Variants in PRPF6 observed in about 807,000 individuals in gnomAD.
PRPF6 encodes the protein pre-mRNA-processing factor 6.
A neutral mutation model predicts 118.3 loss-of-function variants in PRPF6; 42 were observed. That is an observed-to-expected ratio of 0.35 (90% CI 0.28 to 0.46). PRPF6 has a LOEUF of 0.46. Among genes scored for constraint, PRPF6 ranks in the 20% least tolerant of loss-of-function variants. The pLI is 1.00. For synonymous variants in PRPF6, 481 were observed against 485.1 expected, an observed-to-expected ratio of 0.99 and a Z score of 0.11; for missense variants, 662 against 1,255.7, an observed-to-expected ratio of 0.53 and a Z score of 7.15.
At chr20:64,021,971 A>G (rs1183902758) in intron 12 of PRPF6, among the ~76,000 whole-genome samples, 2 of 131,106 alleles carry the variant, frequency 1.5e-5, no homozygotes, top group African/African-American at 3.2e-5. Context: ...ACGTATGCAT[A>G]TGCCTCGGCC....
chr20:64,011,647 G>C lies in PRPF6; in HGVS notation c.1524+144G>C. The C allele has an allele frequency of 2.1e-6, 2 of 934,902 alleles. No individual in the cohort carries two copies. The highest frequency in any genetic ancestry group is 3.3e-6 in the Non-Finnish European group (2 of 603,764). The allele number at this position is 934,902 out of a possible 1,614,324, so 57.9% of individuals were successfully genotyped here. A position where few individuals can be genotyped will look rare whatever the true frequency, so the allele number is the denominator to read the frequency against. ...GCAGGCACAGGTGTGAATGGGCCCT[G>C]AGGGACCTGGGCATGCCCACTGTCG... is the stretch of plus-strand genomic sequence containing the variant. On this transcript the variant is annotated intron_variant, in intron 11 of 20. Transcript: ENST00000266079. This position sits in a 1 kb window ranked among gnomAD's most constrained non-coding sequence, Gnocchi z 6.7.
chr20:63,999,955 C>CTA (rs2059159141), intron 8 of PRPF6, among the ~76,000 whole-genome samples, 196 bp downstream of exon 8: 6 of 145,878 alleles, frequency 4.1e-5, no homozygotes, highest in Non-Finnish European at 3.0e-5. Context: ...TAATCCACCA[C>CTA]TTTTTTTTTT....
intron 5 of PRPF6, 63 bp from the exon 6 acceptor site, chr20:63,995,264 A>C: frequency 6.3e-7 from 1 of 1,575,958 alleles, no homozygotes; most frequent in Non-Finnish European, 8.6e-7. Flanking sequence ...TCAGAGAGTA[A>C]ATTTCTTGGG....
At chr20:64,013,199 A>G (rs879914884) in intron 11 of PRPF6, among the ~76,000 whole-genome samples, 6 of 152,106 alleles carry the variant, frequency 3.9e-5, no homozygotes, top group Non-Finnish European at 8.8e-5. Context: ...TCCTGACCTC[A>G]AGCAACCTGC....
chr20:63,988,676 G>A (rs112219537), intron 3 of PRPF6, among the ~76,000 whole-genome samples: 15,915 of 151,938 alleles, frequency 0.1, 1,009 homozygotes, highest in Middle Eastern at 0.17. Flanking sequence ...TCAGCAGTTC[G>A]AGACCAGCCT....
intron 3 of PRPF6, among the ~76,000 whole-genome samples, chr20:63,992,347 C>T (rs995291051): frequency 6.6e-6 from 1 of 151,900 alleles, no homozygotes; most frequent in Middle Eastern, 3.4e-3. Flanking sequence ...CTGCAACTTC[C>T]ACCTCCCAGG....
At chr20:64,008,453 G>A (rs896105630) in intron 9 of PRPF6, among the ~76,000 whole-genome samples, 3 of 151,534 alleles carry the variant, frequency 2.0e-5, no homozygotes, top group South Asian at 2.1e-4. Context: ...GGAAATATTC[G>A]TGGCAATGCA....
intron 19 of PRPF6, among the ~76,000 whole-genome samples, chr20:64,031,368 C>T (rs570855028): frequency 3.9e-5 from 6 of 152,308 alleles, no homozygotes; most frequent in African/African-American, 7.2e-5. Flanking sequence ...TCTTTCCCTG[C>T]GTGTGAATTT....
At chr20:64,016,611 A>G in intron 11 of PRPF6, 112 bp from the exon 12 acceptor site, 2 of 1,409,232 alleles carry the variant, frequency 1.4e-6, no homozygotes, top group Non-Finnish European at 9.8e-7. Context: ...CAGTGTCAGC[A>G]TCTTGTGCTG....
chr20:64,004,571 C>T (rs1007430853), intron 9 of PRPF6, among the ~76,000 whole-genome samples: 1 of 152,172 alleles, frequency 6.6e-6, no homozygotes, highest in African/African-American at 2.4e-5. Context: ...TTGGGCTGAG[C>T]TGACACCTTA....
chr20:64,021,988 CTGTGTGTG>C lies in PRPF6; in HGVS notation c.1648-748_1648-741del, dbSNP rs111363019. Among the ~76,000 whole-genome samples, 44 of 135,816 alleles carry C rather than the reference CTGTGTGTG, an allele frequency of 3.2e-4. 1 individual carries two copies. The highest frequency in any genetic ancestry group is 1.1e-3 in the African/African-American group (37 of 34,822). The allele number at this position is 135,816 out of a possible 152,430, so 89.1% of individuals were successfully genotyped here. A position where few individuals can be genotyped will look rare whatever the true frequency, so the allele number is the denominator to read the frequency against. ...GTATGCATATGCCTCGGCCACAGCCCTGTGTGTGTGTGTGTGTGTGTGTGTGTGCATGC... is the reference window on the plus strand; with the variant it reads ...GTATGCATATGCCTCGGCCACAGCCCTGTGTGTGTGTGTGTGTGTGCATGC... On this transcript the variant is annotated intron_variant, in intron 12 of 20. Coordinates refer to ENST00000266079, the MANE Select transcript of PRPF6 (RefSeq NM_012469.4).
In PRPF6 at chr20:64,006,700, G is replaced by A. The variant is rs189538114; in HGVS notation, c.1187-3500G>A. On this transcript the variant is annotated intron_variant, in intron 9 of 20. Transcript: ENST00000266079. ...CAGTGGAGACGGGACTTGTGGCAGCGGAGATGGGACTTGAGCCATTCAGAC... is the reference window on the plus strand; with the variant it reads ...CAGTGGAGACGGGACTTGTGGCAGCAGAGATGGGACTTGAGCCATTCAGAC... Among the ~76,000 whole-genome samples the A allele has an allele frequency of 4.8e-3, 724 of 152,276 alleles. 5 individuals carry two copies. Among genetic ancestry groups the A allele is most frequent in the African/African-American group, 0.017 (696 of 41,540 alleles).
Position 64,026,847 on chromosome 20 carries a change from G to A in PRPF6, c.2029-135G>A. ...AAACATATATTTATCCCCACCTTTT[G>A]TGTACACAAACAGGCTATGAAAAGC... On this transcript the variant is annotated intron_variant, in intron 15 of 20. Coordinates refer to ENST00000266079, the MANE Select transcript of PRPF6 (RefSeq NM_012469.4). The surrounding 1 kb of genome is among the most constrained non-coding windows in gnomAD (Gnocchi z 4.4). 1 of 898,192 alleles carries A rather than the reference G, an allele frequency of 1.1e-6. No individual in the cohort carries two copies. The allele number at this position is 898,192 out of a possible 1,614,324, so 55.6% of individuals were successfully genotyped here. A position where few individuals can be genotyped will look rare whatever the true frequency, so the allele number is the denominator to read the frequency against.
At chr20:64,004,333 C>T (rs965725996) in intron 9 of PRPF6, among the ~76,000 whole-genome samples, 2 of 152,234 alleles carry the variant, frequency 1.3e-5, no homozygotes, top group African/African-American at 4.8e-5. Context: ...TGCCGCTGCC[C>T]TAATACTGGT....
chr20:63,995,614 C>A, intron 6 of PRPF6, 132 bp downstream of exon 6: 1 of 1,081,012 alleles, frequency 9.3e-7, no homozygotes, highest in Non-Finnish European at 1.3e-6. Flanking sequence ...TTCTCCTTCT[C>A]CTTTTTTTTT....
intron 19 of PRPF6, among the ~76,000 whole-genome samples, chr20:64,030,478 GGTGCCGCCCCCAC>G (rs1285555608): frequency 6.6e-6 from 1 of 152,088 alleles, no homozygotes; most frequent in Non-Finnish European, 1.5e-5. Flanking sequence ...CAGAGGTCTG[GGTGCCGCCCCCAC>G]AGGCTTGCCT....
rs200759872 is a variant in PRPF6 at position 64,029,506 on chromosome 20, C to T, written c.2546+15C>T. ...GCCGTGGCCAAGTGAGTGGGGCCCC[C>T]ACAGGATTGCTGAACCTCGGGGTCC... On this transcript the variant is annotated intron_variant, in intron 19 of 20. Coordinates refer to ENST00000266079, the MANE Select transcript of PRPF6 (RefSeq NM_012469.4). This position sits in a 1 kb window ranked among gnomAD's most constrained non-coding sequence, Gnocchi z 4.8. The T allele has an allele frequency of 1.3e-3, 2,117 of 1,608,482 alleles. 23 individuals carry two copies. Among genetic ancestry groups the T allele is most frequent in the South Asian group, 0.012 (1,086 of 90,986 alleles).
At position 64,021,988 on chromosome 20, in the gene PRPF6, C is replaced by CTGTGTGTGTGTGTGTG. The variant is rs111363019; in HGVS notation, c.1648-756_1648-741dup. On this transcript the variant is annotated intron_variant, in intron 12 of 20. Coordinates refer to ENST00000266079, the MANE Select transcript of PRPF6 (RefSeq NM_012469.4). ...GTATGCATATGCCTCGGCCACAGCC[C>CTGTGTGTGTGTGTGTG]TGTGTGTGTGTGTGTGTGTGTGTGT... Among the ~76,000 whole-genome samples the CTGTGTGTGTGTGTGTG allele has an allele frequency of 5.7e-4, 77 of 135,838 alleles. 1 individual carries two copies. The South Asian group carries it at 8.9e-3, about 16-fold the overall frequency. The allele number at this position is 135,838 out of a possible 152,430, so 89.1% of individuals were successfully genotyped here. A position where few individuals can be genotyped will look rare whatever the true frequency, so the allele number is the denominator to read the frequency against.
At chr20:63,981,350 C>T (rs1206340241) in intron 1 of PRPF6, 34 bp downstream of exon 1, 2 of 1,551,458 alleles carry the variant, frequency 1.3e-6, no homozygotes, top group East Asian at 2.4e-5. Flanking sequence ...GGGGCGGGGA[C>T]CCGGCTACAG....
Sources: allele counts gnomAD v4.1 joint callset (sites outside exome capture counted in the v4.1 genomes callset), GRCh38; gene constraint gnomAD v4.1.1; non-coding constraint Gnocchi (gnomAD v3.1); transcripts MANE v1.5; gene names NCBI Gene and HGNC (gene_info 2026-07-23, HGNC 2026-07-21).